The following GABRA5 variants were observed in gnomAD, a reference collection of about 807,000 sequenced individuals.
GABRA5 encodes the protein gamma-aminobutyric acid type A receptor subunit alpha5.
Under a neutral mutation model 47.3 loss-of-function variants are expected in GABRA5, and 18 were observed. The ratio of observed to expected loss-of-function variants is 0.38; its 90% confidence interval spans 0.26 to 0.56. GABRA5 has a LOEUF of 0.56. Among genes scored for constraint, GABRA5 ranks in the 20% least tolerant of loss-of-function variants. The pLI, the probability that GABRA5 is intolerant of heterozygous loss-of-function variation, is 0.71. For synonymous variants in GABRA5, 237 were observed against 229.3 expected, an observed-to-expected ratio of 1.03 and a Z score of -0.30; for missense variants, 365 against 599.3, an observed-to-expected ratio of 0.61 and a Z score of 4.08.
intron 8 of GABRA5, among the ~76,000 whole-genome samples, chr15:26,938,289 G>A (rs1473848107): frequency 6.6e-6 from 1 of 152,214 alleles, no homozygotes; most frequent in Non-Finnish European, 1.5e-5. Flanking sequence ...ATGCTAAAGG[G>A]AAAGGCAGAG....
At chr15:26,884,654 A>T (rs1312092046) in intron 6 of GABRA5, among the ~76,000 whole-genome samples, 3 of 152,166 alleles carry the variant, frequency 2.0e-5, no homozygotes, top group Non-Finnish European at 4.4e-5. Context: ...GTTTCCTAGC[A>T]TATGTTCTGG....
At chr15:26,888,768 C>A (rs115707586) in intron 6 of GABRA5, among the ~76,000 whole-genome samples, 1 of 152,226 alleles carries the variant, frequency 6.6e-6, no homozygotes, top group Non-Finnish European at 1.5e-5. Context: ...TCTTCCCACA[C>A]CTTCTAAAAG....
At chr15:26,893,426 G>GGTATGTGTATGTA (rs1566870552) in intron 6 of GABRA5, among the ~76,000 whole-genome samples, 97 of 116,226 alleles carry the variant, frequency 8.3e-4, no homozygotes, top group Middle Eastern at 5.0e-3. Context: ...GTGTGTGTAT[G>GGTATGTGTATGTA]GTGTGTGGCG....
intron 7 of GABRA5, among the ~76,000 whole-genome samples, 155 bp from the exon 8 acceptor site, chr15:26,937,030 C>T (rs1198693712): frequency 2.0e-5 from 3 of 152,176 alleles, no homozygotes; most frequent in Non-Finnish European, 4.4e-5. Context: ...TGGCGTCTGC[C>T]CTGGTCCAAC....
intron 6 of GABRA5, among the ~76,000 whole-genome samples, chr15:26,895,812 C>CAAAAA (rs376170037): frequency 8.3e-4 from 102 of 123,254 alleles, no homozygotes; most frequent in African/African-American, 3.5e-3. Context: ...AAGACTCCGT[C>CAAAAA]AAAAAAAAAA....
intron 7 of GABRA5, among the ~76,000 whole-genome samples, chr15:26,926,958 C>T (rs1484760043): frequency 6.6e-6 from 1 of 152,176 alleles, no homozygotes; most frequent in East Asian, 1.9e-4. Flanking sequence ...CTAAAATACT[C>T]ATTCAGTGAA....
chr15:26,945,534 G>T (rs746960873), intron 10 of GABRA5, among the ~76,000 whole-genome samples: 2 of 152,226 alleles, frequency 1.3e-5, no homozygotes, highest in Non-Finnish European at 2.9e-5. Context: ...CCGCTGGGGC[G>T]TGTGAGCTGA....
At chr15:26,890,842 T>C (rs1213205362) in intron 6 of GABRA5, among the ~76,000 whole-genome samples, 4 of 152,200 alleles carry the variant, frequency 2.6e-5, no homozygotes, top group Non-Finnish European at 5.9e-5. Context: ...TGAACCATAA[T>C]GGAATGTATG....
chr15:26,904,691 G>A (rs1447279407), intron 6 of GABRA5, among the ~76,000 whole-genome samples: 4 of 152,074 alleles, frequency 2.6e-5, no homozygotes, highest in Non-Finnish European at 4.4e-5. Flanking sequence ...TCCTGGGTGA[G>A]CTGTATTCCT....
rs982735635 is a variant in GABRA5, at chr15:26,869,124, G to A, written c.-74-51G>A. The A allele has an allele frequency of 5.9e-6, 4 of 678,360 alleles. No homozygotes were observed. The Admixed American group carries it at 8.7e-5, about 15-fold the overall frequency. The allele number at this position is 678,360 out of a possible 1,614,324, so 42.0% of individuals were successfully genotyped here. A position where few individuals can be genotyped will look rare whatever the true frequency, so the allele number is the denominator to read the frequency against. ...AGTGTGATTTGATTCCAGGAACTGT[G>A]ACACAACAGCATTGATGTTCACGTG... On this transcript the variant is annotated intron_variant, in intron 2 of 10. Transcript: ENST00000335625.
rs377291812 is a variant in GABRA5, at chr15:26,943,225, G to T, written c.888G>T (p.Thr296=). 8.4e-6 allele frequency: 13 copies of T among 1,554,062 alleles called. No homozygotes were observed. The highest frequency in any genetic ancestry group is 3.9e-5 in the Admixed American group (2 of 51,276). The change falls in exon 10 of 11, where the codon ACG becomes ACT. Residue 296 remains threonine, a synonymous_variant. Transcript: ENST00000335625. Reference sequence around the variant, plus strand: ...GCCTGACCCCCGCAGGGGTCACCACGGTGCTGACCATGACGACCCTCAGCA... The same window carrying T: ...GCCTGACCCCCGCAGGGGTCACCACTGTGCTGACCATGACGACCCTCAGCA... The part of the protein sequence containing the change: ...VPARTVFGVT[T]VLTMTTLSIS...
chr15:26,883,324 TC>T lies in GABRA5; in HGVS notation c.277-11del. On this transcript the variant is annotated splice_polypyrimidine_tract_variant and intron_variant, in intron 5 of 10. Transcript: ENST00000335625. The surrounding 1 kb of genome is among the most constrained non-coding windows in gnomAD (Gnocchi z 4.8). ...CGTGCCCTCTGACTGCCTCGTGCCT[TC>T]CTTTCCACTAGGAGTACACCATAGA... 4.2e-5 allele frequency: 67 copies of T among 1,613,822 alleles called. No individual in the cohort carries two copies. The highest frequency in any genetic ancestry group is 5.5e-5 in the Non-Finnish European group (65 of 1,179,720).
At chr15:26,932,909 A>T (rs953618682) in intron 7 of GABRA5, among the ~76,000 whole-genome samples, 1 of 152,134 alleles carries the variant, frequency 6.6e-6, no homozygotes. Context: ...GAACAGATGG[A>T]CACAGGGTGG....
At chr15:26,936,723 C>A (rs775316342) in intron 7 of GABRA5, among the ~76,000 whole-genome samples, 2 of 152,114 alleles carry the variant, frequency 1.3e-5, no homozygotes, top group Non-Finnish European at 2.9e-5. Context: ...TGCGGCCGGG[C>A]GCTGCTTCAG....
Position 26,869,200 on chromosome 15 carries a change from A to C in GABRA5, c.-49A>C. The C allele has an allele frequency of 4.8e-5, 52 of 1,093,172 alleles. No individual in the cohort carries two copies. Among genetic ancestry groups the C allele is most frequent in the Non-Finnish European group, 7.0e-5 (49 of 704,804 alleles). 67.7% of individuals were successfully genotyped at this position (1,093,172 alleles called of 1,614,324 possible). Reference sequence around the variant, plus strand: ...CTTCAAGAACAAGCTGGAGAAGGGAAGAGTTATTCCTCCATATTCACCTGC... The same window carrying C: ...CTTCAAGAACAAGCTGGAGAAGGGACGAGTTATTCCTCCATATTCACCTGC... On this transcript the variant is annotated 5_prime_UTR_variant, in exon 3 of 11. Transcript: ENST00000335625.
intron 6 of GABRA5, among the ~76,000 whole-genome samples, chr15:26,895,825 AAAAGAAG>A (rs1893176643): frequency 3.0e-5 from 4 of 132,396 alleles, no homozygotes; most frequent in Non-Finnish European, 6.8e-5. Context: ...AAAAAAAAAA[AAAAGAAG>A]AAGAAGAAGA....
intron 8 of GABRA5, 29 bp downstream of exon 8, chr15:26,937,357 A>C (rs745970247): frequency 6.4e-7 from 1 of 1,572,306 alleles, no homozygotes; most frequent in South Asian, 1.2e-5. Context: ...CTGTGCTGCC[A>C]GGCGCACTCA....
intron 6 of GABRA5, among the ~76,000 whole-genome samples, chr15:26,896,005 C>G (rs1893183776): frequency 6.6e-6 from 1 of 152,070 alleles, no homozygotes; most frequent in Non-Finnish European, 1.5e-5. Flanking sequence ...CCACCCTTCC[C>G]TGCACCCTGT....
In GABRA5 at chr15:26,880,940, G is replaced by A. The variant is rs369330184; in HGVS notation, c.181G>A (p.Asp61Asn). ...RILDGLLDGYDNRLRPGLGER... is the reference protein window; with the variant it reads ...RILDGLLDGYNNRLRPGLGER... Reference sequence around the variant, plus strand: ...CTTGGATGGGCTCTTGGATGGCTACGACAACAGACTTCGGCCCGGGCTGGG... The same window carrying A: ...CTTGGATGGGCTCTTGGATGGCTACAACAACAGACTTCGGCCCGGGCTGGG... The change falls in exon 4 of 11, where the codon GAC becomes AAC. Residue 61 changes from aspartate (D) to asparagine (N), a missense_variant. Physicochemically the swap from Asp to Asn is conservative, Grantham distance 23 (BLOSUM62 1). Around this residue, in one of 3 missense-constraint regions of GABRA5, gnomAD observed 216 missense variants for 335.3 expected, o/e 0.64. Transcript: ENST00000335625. The A allele has an allele frequency of 1.1e-5, 17 of 1,613,904 alleles. No individual in the cohort carries two copies. The highest frequency in any genetic ancestry group is 1.6e-4 in the Middle Eastern group (1 of 6,062).
Sources: gnomAD v4.1 joint callset for allele counts (sites outside exome capture counted in the v4.1 genomes callset) on GRCh38, gnomAD v4.1.1 for gene constraint, gnomAD v4.1.1 regional missense constraint, Gnocchi (gnomAD v3.1) non-coding constraint, MANE v1.5 for transcripts, NCBI Gene and HGNC (gene_info 2026-07-23, HGNC 2026-07-21) for gene names.